Variants in CD200 observed in about 807,000 individuals in gnomAD.
CD200 encodes the protein CD200 molecule.
In CD200, 15 loss-of-function variants were observed where a neutral mutation model predicts 30.9. The observed-to-expected ratio is 0.49, with a 90% confidence interval of 0.32 to 0.75. The LOEUF (loss-of-function observed/expected upper bound fraction) is 0.75. Among genes scored for constraint, CD200 ranks in the 30% least tolerant of loss-of-function variants. CD200 has a pLI of 0.03. For missense variants in CD200, 262 were observed against 324.2 expected (o/e 0.81, Z 1.47); for synonymous variants, 134 against 126.2 (o/e 1.06, Z -0.41).
intron 1 of CD200, 69 bp downstream of exon 1, chr3:112,333,293 G>T: frequency 6.6e-7 from 1 of 1,512,960 alleles, no homozygotes. Flanking sequence ...CCCTGGGGCG[G>T]GCGGCGAGTG....
At chr3:112,353,506 A>G (rs986755259) in intron 5 of CD200, among the ~76,000 whole-genome samples, 3 of 152,140 alleles carry the variant, frequency 2.0e-5, no homozygotes, top group Non-Finnish European at 4.4e-5. Flanking sequence ...TAACCTATGA[A>G]TGGGTTCCTG....
chr3:112,351,920 T>C (rs946786396), intron 5 of CD200, among the ~76,000 whole-genome samples: 1 of 152,180 alleles, frequency 6.6e-6, no homozygotes, highest in African/African-American at 2.4e-5. Context: ...GCTGCCAGGC[T>C]GTTTTACCAG....
At chr3:112,336,591 G>T (rs2081122571) in intron 1 of CD200, among the ~76,000 whole-genome samples, 1 of 151,592 alleles carries the variant, frequency 6.6e-6, no homozygotes, top group Non-Finnish European at 1.5e-5. Context: ...TGACCCTAAA[G>T]CAAGGTCATT....
chr3:112,349,993 CAATTGGACATTA>C lies in CD200; in HGVS notation c.802+186_802+197del, dbSNP rs1474230244. The C allele has an allele frequency of 8.1e-6, 8 of 983,460 alleles. No homozygotes were observed. In the South Asian group the frequency reaches 2.4e-4, roughly 29 times the overall value. 60.9% of individuals were successfully genotyped at this position (983,460 alleles called of 1,614,324 possible). A position where few individuals can be genotyped will look rare whatever the true frequency, so the allele number is the denominator to read the frequency against. On this transcript the variant is annotated intron_variant, in intron 5 of 5. Transcript: ENST00000315711. ...TAAAATGCGTCGGGGCATTTTCTTG[CAATTGGACATTA>C]AATTGGACATTTCTGCTTTTTGTTT... is the stretch of plus-strand genomic sequence containing the variant.
chr3:112,352,294 TA>T (rs1447412575), intron 5 of CD200, among the ~76,000 whole-genome samples: 9 of 152,214 alleles, frequency 5.9e-5, no homozygotes, highest in Admixed American at 5.9e-4. Context: ...TGACACTTTT[TA>T]TTTCTACCAT....
chr3:112,333,171 C>T lies in CD200; in HGVS notation c.-42C>T. The T allele has an allele frequency of 3.2e-6, 5 of 1,548,682 alleles. No individual in the cohort carries two copies. The highest frequency in any genetic ancestry group is 4.4e-6 in the Non-Finnish European group (5 of 1,146,618). On this transcript the variant is annotated 5_prime_UTR_variant, in exon 1 of 6. Coordinates refer to ENST00000315711, the MANE Select transcript of CD200 (RefSeq NM_005944.7). ...CCTGCCTAGCAGAGCTCCAGGCGCA[C>T]ATCCGCAGTCAGCCACCTCGCGCGC...
At position 112,351,521 on chromosome 3, in the gene CD200, G is replaced by A. The variant is rs375565402; in HGVS notation, c.802+1702G>A. Among the ~76,000 whole-genome samples, 10 of 152,190 alleles carry A rather than the reference G, an allele frequency of 6.6e-5. No individual in the cohort carries two copies. The East Asian group carries it at 1.2e-3, about 18-fold the overall frequency. ...ATATAGTCATTCAATGCCAATATCC[G>A]ATTCTTGAAGCAAAAAGAATCAGCT... On this transcript the variant is annotated intron_variant, in intron 5 of 5. Transcript: ENST00000315711.
rs1278750394 is a variant in CD200 at position 112,361,543 on chromosome 3, A to T, written c.803A>T (p.Glu268Val). 6.2e-7 allele frequency: 1 copy of T among 1,607,162 alleles called. No homozygotes were observed. Among genetic ancestry groups the T allele is most frequent in the Non-Finnish European group, 8.5e-7 (1 of 1,173,778 alleles). The change falls in exon 6 of 6, where the codon GAG (glutamate) becomes GTG (valine). Residue 268 changes from glutamate to valine, a missense_variant and splice_region_variant. Physicochemically the swap from Glu to Val is moderately radical, Grantham distance 121. Transcript: ENST00000315711. ...AATACCTTGTTTTTCTTTTATCCAG[A>T]GCCCTAAATAAGTCACACAGCACCC... ...YWKRHRNQDR[E>V]P is the part of the protein sequence containing the mutation.
intron 5 of CD200, among the ~76,000 whole-genome samples, chr3:112,353,304 GTTTGGTTTGCTTTGC>G (rs2081568892): frequency 6.8e-6 from 1 of 146,602 alleles, no homozygotes; most frequent in Non-Finnish European, 1.5e-5. Flanking sequence ...ATTTTGTTTG[GTTTGGTTTGCTTTGC>G]TTTGGTTTGG....
intron 5 of CD200, among the ~76,000 whole-genome samples, chr3:112,358,707 T>C (rs1576628568): frequency 6.6e-6 from 1 of 152,026 alleles, no homozygotes; most frequent in Non-Finnish European, 1.5e-5. Context: ...CTGCCCTAGG[T>C]TCCCCATCAG....
At chr3:112,349,042 G>A (rs957497246) in intron 4 of CD200, among the ~76,000 whole-genome samples, 3 of 152,128 alleles carry the variant, frequency 2.0e-5, no homozygotes, top group Non-Finnish European at 4.4e-5. Flanking sequence ...CCCTGTCTGA[G>A]GTCTGAGGTG....
At chr3:112,342,369 CTTTCTTTCT>C (rs2081277755) in intron 2 of CD200, among the ~76,000 whole-genome samples, 1 of 32,786 alleles carries the variant, frequency 3.1e-5, no homozygotes, top group Admixed American at 4.2e-4. Context: ...TTCTTTCTTT[CTTTCTTTCT>C]TTCTTTCTTT....
At chr3:112,341,406 A>G (rs967496929) in intron 2 of CD200, among the ~76,000 whole-genome samples, 4 of 152,262 alleles carry the variant, frequency 2.6e-5, no homozygotes, top group Non-Finnish European at 5.9e-5. Context: ...AACGAAATGT[A>G]GAAGTTATAT....
chr3:112,347,611 A>G lies in CD200; in HGVS notation c.475A>G (p.Thr159Ala). 1 of 1,613,744 alleles carries G rather than the reference A, an allele frequency of 6.2e-7. No homozygotes were observed. Among genetic ancestry groups the G allele is most frequent in the South Asian group, 1.1e-5 (1 of 91,076 alleles). ...ATTCTCTGAAGACCACCTAAATATC[A>G]CTTGCTCTGCCACTGCCCGCCCAGC... ...YKFSEDHLNI[T>A]CSATARPAPM... Residue 159 changes from threonine to alanine, a missense_variant, in exon 4 of 6, where the codon ACT becomes GCT. Coordinates refer to ENST00000315711, the MANE Select transcript of CD200 (RefSeq NM_005944.7).
At chr3:112,356,475 CT>C (rs1190567387) in intron 5 of CD200, among the ~76,000 whole-genome samples, 38 of 152,226 alleles carry the variant, frequency 2.5e-4, no homozygotes, top group African/African-American at 7.0e-4. Context: ...GCCTCACATA[CT>C]TATTTTTTTG....
intron 5 of CD200, among the ~76,000 whole-genome samples, chr3:112,352,557 GAGA>G (rs1344564194): frequency 2.8e-4 from 43 of 152,102 alleles, no homozygotes; most frequent in African/African-American, 9.7e-4. Flanking sequence ...GAGAGAGAGA[GAGA>G]GAGAGAGTGT....
At chr3:112,360,414 C>T (rs1383001293) in intron 5 of CD200, among the ~76,000 whole-genome samples, 1 of 151,926 alleles carries the variant, frequency 6.6e-6, no homozygotes, top group Admixed American at 6.6e-5. Context: ...AAGAAGTGTT[C>T]TTTACTAGTC....
intron 5 of CD200, among the ~76,000 whole-genome samples, chr3:112,357,954 A>T (rs781572174): frequency 1.4e-4 from 21 of 152,216 alleles, no homozygotes; most frequent in Non-Finnish European, 2.1e-4. Context: ...AAAACAAGTG[A>T]GATAATTATT....
In CD200 at chr3:112,362,137, C is replaced by T. The variant is rs2081753193; in HGVS notation, c.*587C>T. ...CATTTGGTATCTAGTCCAGTTCCTG[C>T]TTACTGCTTTGCTAATAGCTGGCCT... On this transcript the variant is annotated 3_prime_UTR_variant, in exon 6 of 6. Transcript: ENST00000315711. 6.6e-6 allele frequency: 1 copy of T among 152,262 alleles called. No individual in the cohort carries two copies. The highest frequency in any genetic ancestry group is 6.5e-5 in the Admixed American group (1 of 15,284). 9.4% of individuals were successfully genotyped at this position (152,262 alleles called of 1,614,324 possible).
Sources: allele counts gnomAD v4.1 joint callset (sites outside exome capture counted in the v4.1 genomes callset), GRCh38; gene constraint gnomAD v4.1.1; transcripts MANE v1.5; gene names NCBI Gene and HGNC (gene_info 2026-07-23, HGNC 2026-07-21).